NCK2: variants seen among roughly 807,000 people sequenced by gnomAD.
NCK2 encodes NCK adaptor protein 2.
A neutral mutation model predicts 33.9 loss-of-function variants in NCK2; 16 were observed. The ratio of observed to expected loss-of-function variants is 0.47; its 90% CI spans 0.32 to 0.72. The LOEUF (loss-of-function observed/expected upper bound fraction) is 0.72, where lower values mean the gene tolerates loss of function less well. NCK2 is among the 30% of genes least tolerant of loss of function. The pLI, the probability that NCK2 is intolerant of heterozygous loss-of-function variation, is 0.03. For missense variants in NCK2, 418 were observed against 537.3 expected (o/e 0.78, Z 2.19); for synonymous variants, 273 against 239.9 (o/e 1.14, Z -1.27).
At chr2:105,828,020 T>C (rs1029849813) in intron 2 of NCK2, among the ~76,000 whole-genome samples, 3 of 152,156 alleles carry the variant, frequency 2.0e-5, no homozygotes, top group African/African-American at 7.2e-5. Flanking sequence ...AGGAACAAGG[T>C]GAAGAGCACA....
At chr2:105,744,872 C>G (rs1440760077), upstream of NCK2, 2 of 160,292 alleles carry the variant, frequency 1.2e-5, no homozygotes, top group Non-Finnish European at 2.6e-5. Flanking sequence ...GGGTCGCCGC[C>G]GCCGCCGCCG....
At chr2:105,747,546 A>T (rs1339284251) in intron 1 of NCK2, among the ~76,000 whole-genome samples, 1 of 152,244 alleles carries the variant, frequency 6.6e-6, no homozygotes, top group East Asian at 1.9e-4. Flanking sequence ...GACATTAAAA[A>T]TGAGGCTTAA....
At chr2:105,809,399 C>T (rs1244090444) in intron 1 of NCK2, among the ~76,000 whole-genome samples, 2 of 152,186 alleles carry the variant, frequency 1.3e-5, no homozygotes, top group Admixed American at 6.5e-5. Flanking sequence ...AGATCAAGGG[C>T]TCAGCAGGGT....
chr2:105,788,768 A>G (rs1307812169), intron 1 of NCK2, among the ~76,000 whole-genome samples: 1 of 152,058 alleles, frequency 6.6e-6, no homozygotes, highest in Middle Eastern at 3.4e-3. Flanking sequence ...CTTCATTCTT[A>G]TATAGCTTAA....
chr2:105,758,830 A>G (rs181890758), intron 1 of NCK2, among the ~76,000 whole-genome samples: 110 of 152,258 alleles, frequency 7.2e-4, no homozygotes, highest in Middle Eastern at 3.4e-3. Flanking sequence ...TTACAAAACT[A>G]TTTTCCAAAG....
At chr2:105,828,820 T>C (rs557033270) in intron 2 of NCK2, among the ~76,000 whole-genome samples, 2 of 152,344 alleles carry the variant, frequency 1.3e-5, no homozygotes, top group South Asian at 4.1e-4. Context: ...TCACTCATCT[T>C]TTCAACTGTA....
intron 2 of NCK2, among the ~76,000 whole-genome samples, chr2:105,842,715 A>G (rs1012923210): frequency 2.6e-5 from 4 of 152,148 alleles, no homozygotes; most frequent in Non-Finnish European, 5.9e-5. Flanking sequence ...GGTGTGAAGT[A>G]CTCACAGCAA....
At chr2:105,851,251 G>A (rs1392294741) in intron 2 of NCK2, among the ~76,000 whole-genome samples, 3 of 152,058 alleles carry the variant, frequency 2.0e-5, no homozygotes, top group African/African-American at 4.8e-5. Context: ...GTCGGTGTCC[G>A]GCACAGAGCT....
intron 4 of NCK2, among the ~76,000 whole-genome samples, chr2:105,884,475 C>A (rs1182451017): frequency 6.6e-6 from 1 of 152,152 alleles, no homozygotes; most frequent in African/African-American, 2.4e-5. Context: ...AGTCTTTGGG[C>A]CTGGGCCTTT....
chr2:105,797,487 C>T (rs141912922), intron 1 of NCK2, among the ~76,000 whole-genome samples: 259 of 152,298 alleles, frequency 1.7e-3, no homozygotes, highest in African/African-American at 6.0e-3. Flanking sequence ...CCAGGCTGTG[C>T]GGGCTAGCAG....
At chr2:105,767,842 A>G (rs1689996452) in intron 1 of NCK2, among the ~76,000 whole-genome samples, 1 of 152,236 alleles carries the variant, frequency 6.6e-6, no homozygotes, top group African/African-American at 2.4e-5. Context: ...ATTGTGGGAC[A>G]TACTGGGTGG....
At chr2:105,804,601 G>A (rs1284161003) in intron 1 of NCK2, among the ~76,000 whole-genome samples, 7 of 152,210 alleles carry the variant, frequency 4.6e-5, no homozygotes, top group Admixed American at 3.9e-4. Context: ...TTGGGCAGCT[G>A]CCATAGGAAG....
chr2:105,771,595 A>G (rs1233981718), intron 1 of NCK2, among the ~76,000 whole-genome samples: 2 of 152,110 alleles, frequency 1.3e-5, no homozygotes, highest in African/African-American at 4.8e-5. Flanking sequence ...TTAGACAAAT[A>G]TTTCAAGAAG....
At chr2:105,880,927 A>C (rs532537602) in intron 3 of NCK2, among the ~76,000 whole-genome samples, 114 of 139,472 alleles carry the variant, frequency 8.2e-4, no homozygotes, top group Non-Finnish European at 1.4e-3. Flanking sequence ...TGTGCACCAC[A>C]GGTGGCTAAT....
At chr2:105,768,736 A>G (rs192460024) in intron 1 of NCK2, among the ~76,000 whole-genome samples, 6 of 152,092 alleles carry the variant, frequency 3.9e-5, no homozygotes, top group Admixed American at 2.0e-4. Flanking sequence ...ATGGCCCAAG[A>G]TGATTCTTAC....
At chr2:105,882,687 G>A (rs1429901736) in intron 4 of NCK2, among the ~76,000 whole-genome samples, 1 of 152,166 alleles carries the variant, frequency 6.6e-6, no homozygotes, top group African/African-American at 2.4e-5. Flanking sequence ...CAGTTCAGCG[G>A]TGGGCAGGCT....
At chr2:105,805,036 C>T (rs1369396327) in intron 1 of NCK2, among the ~76,000 whole-genome samples, 5 of 152,210 alleles carry the variant, frequency 3.3e-5, no homozygotes, top group Non-Finnish European at 5.9e-5. Flanking sequence ...TGCCATGGGC[C>T]TCCCCATATG....
At chr2:105,805,134 T>C (rs1488295501) in intron 1 of NCK2, among the ~76,000 whole-genome samples, 1 of 152,374 alleles carries the variant, frequency 6.6e-6, no homozygotes. Flanking sequence ...TATTATAAAA[T>C]AGTGCTTTTT....
At chr2:105,810,363 G>A (rs1241036127) in intron 1 of NCK2, among the ~76,000 whole-genome samples, 1 of 151,972 alleles carries the variant, frequency 6.6e-6, no homozygotes. Flanking sequence ...CAAGCTGGCA[G>A]TAGAGGGAGG....
Sources: gnomAD v4.1 joint callset for allele counts (sites outside exome capture counted in the v4.1 genomes callset) on GRCh38, gnomAD v4.1.1 for gene constraint, MANE v1.5 for transcripts, NCBI Gene and HGNC (gene_info 2026-07-23, HGNC 2026-07-21) for gene names.